Variants in AGBL1 observed in about 807,000 individuals in gnomAD.
AGBL1 encodes the protein AGBL carboxypeptidase 1, also known as cytosolic carboxypeptidase 4.
In AGBL1, 130 loss-of-function variants were observed where a neutral mutation model predicts 118.9. The ratio of observed to expected loss-of-function variants is 1.09; its 90% CI spans 0.95 to 1.26. The LOEUF (loss-of-function observed/expected upper bound fraction) is 1.26. AGBL1 is among the 50% of genes most tolerant of loss of function. The pLI is 0.00. For synonymous variants in AGBL1, 555 were observed against 478.9 expected (o/e 1.16, Z -2.08); for missense variants, 1,584 against 1,298.1 (o/e 1.22, Z -3.38).
intron 19 of AGBL1, among the ~76,000 whole-genome samples, chr15:86,545,666 A>G (rs1555424429): frequency 6.6e-6 from 1 of 151,892 alleles, no homozygotes; most frequent in Non-Finnish European, 1.5e-5. Context: ...CCTTGTTCCT[A>G]TTTTCTTTTC....
At chr15:86,859,988 T>A (rs1011272546) in intron 22 of AGBL1, among the ~76,000 whole-genome samples, 1 of 152,218 alleles carries the variant, frequency 6.6e-6, no homozygotes, top group Admixed American at 6.5e-5. Context: ...TGAAACTAGT[T>A]GAACATGTTC....
intron 23 of AGBL1, among the ~76,000 whole-genome samples, chr15:86,982,366 G>A (rs1378725029): frequency 1.3e-5 from 2 of 151,240 alleles, no homozygotes; most frequent in East Asian, 1.9e-4. Flanking sequence ...AATGTTGATG[G>A]ACATTTAGCT....
At chr15:86,543,216 C>CTATCTT (rs1396640910) in intron 19 of AGBL1, among the ~76,000 whole-genome samples, 2 of 148,510 alleles carry the variant, frequency 1.3e-5, no homozygotes, top group Middle Eastern at 3.2e-3. Context: ...TTTACAATAT[C>CTATCTT]TATCTTTAAT....
chr15:86,094,899 G>T (rs1469407132), intron 1 of AGBL1, among the ~76,000 whole-genome samples: 1 of 152,118 alleles, frequency 6.6e-6, no homozygotes, highest in African/African-American at 2.4e-5. Context: ...GATCTCACAA[G>T]TTAAGGGCTT....
intron 18 of AGBL1, among the ~76,000 whole-genome samples, chr15:86,515,889 G>C (rs1174851234): frequency 1.3e-5 from 2 of 152,216 alleles, no homozygotes; most frequent in Admixed American, 6.5e-5. Context: ...ACATGTGCCC[G>C]AGGTGGTTGG....
At chr15:86,693,837 T>A (rs2086212466) in intron 22 of AGBL1, among the ~76,000 whole-genome samples, 2 of 152,232 alleles carry the variant, frequency 1.3e-5, no homozygotes, top group Admixed American at 1.3e-4. Context: ...TCCAGCACCA[T>A]TTGTTGACTA....
intron 21 of AGBL1, among the ~76,000 whole-genome samples, chr15:86,576,593 G>T (rs1350763318): frequency 1.3e-5 from 2 of 152,190 alleles, no homozygotes; most frequent in African/African-American, 2.4e-5. Context: ...TATATACAAA[G>T]AGGTCTTTAG....
intron 21 of AGBL1, among the ~76,000 whole-genome samples, chr15:86,647,947 C>T (rs1390491900): frequency 2.6e-5 from 4 of 152,020 alleles, no homozygotes; most frequent in South Asian, 2.1e-4. Flanking sequence ...GAGTCAGAGC[C>T]AGGGTAGAAG....
intron 20 of AGBL1, among the ~76,000 whole-genome samples, chr15:86,547,819 A>G (rs757665592): frequency 1.6e-4 from 24 of 152,158 alleles, no homozygotes; most frequent in Admixed American, 5.2e-4. Flanking sequence ...ATAGTTTATT[A>G]CATCAAGTTT....
chr15:86,431,136 G>A (rs1240310063), intron 18 of AGBL1, among the ~76,000 whole-genome samples: 1 of 151,916 alleles, frequency 6.6e-6, no homozygotes, highest in Non-Finnish European at 1.5e-5. Flanking sequence ...CTAACCCTTC[G>A]TAAGATCCCA....
At chr15:86,309,598 G>A (rs2079890376) in intron 17 of AGBL1, among the ~76,000 whole-genome samples, 1 of 152,108 alleles carries the variant, frequency 6.6e-6, no homozygotes, top group Admixed American at 6.6e-5. Flanking sequence ...CTAATTTATT[G>A]AGAGTTGTTT....
chr15:86,918,379 C>T (rs139587425), downstream of AGBL1, among the ~76,000 whole-genome samples: 91 of 152,216 alleles, frequency 6.0e-4, no homozygotes, highest in African/African-American at 2.1e-3. Flanking sequence ...TGTAACACCT[C>T]GGAAAAGGAA....
chr15:86,928,659 G>A (rs72754064), intron 23 of AGBL1, among the ~76,000 whole-genome samples: 5,919 of 152,238 alleles, frequency 0.039, 157 homozygotes, highest in Middle Eastern at 0.071. Context: ...TTCTGTATGT[G>A]TATGAATTAT....
intron 23 of AGBL1, among the ~76,000 whole-genome samples, chr15:86,933,620 G>C (rs1333955854): frequency 1.3e-5 from 2 of 152,224 alleles, no homozygotes; most frequent in Non-Finnish European, 2.9e-5. Flanking sequence ...GGATTTGTCT[G>C]TGCAGCAGGC....
chr15:86,752,609 T>C (rs753141929), intron 22 of AGBL1, among the ~76,000 whole-genome samples: 2 of 152,022 alleles, frequency 1.3e-5, no homozygotes, highest in Non-Finnish European at 2.9e-5. Context: ...TCTACCCCAT[T>C]GCCAGGGGCC....
intron 22 of AGBL1, among the ~76,000 whole-genome samples, chr15:86,903,649 TCA>T (rs1198020153): frequency 6.6e-6 from 1 of 152,156 alleles, no homozygotes; most frequent in Non-Finnish European, 1.5e-5. Context: ...CTGACACCAT[TCA>T]CACAACAGAA....
At chr15:86,096,376 TTACTG>T (rs1889572438) in intron 1 of AGBL1, among the ~76,000 whole-genome samples, 1 of 152,166 alleles carries the variant, frequency 6.6e-6, no homozygotes. Context: ...AATAAACACT[TTACTG>T]AGAATAAACA....
chr15:86,959,680 A>ACTTTTTCTCTCCTTTCTTACTCTTTCCTT (rs1243414223), intron 23 of AGBL1, among the ~76,000 whole-genome samples: 2 of 151,972 alleles, frequency 1.3e-5, no homozygotes, highest in Non-Finnish European at 2.9e-5. Flanking sequence ...AGCTTCTGTC[A>ACTTTTTCTCTCCTTTCTTACTCTTTCCTT]CTTTTTCTCT....
intron 1 of AGBL1, among the ~76,000 whole-genome samples, chr15:86,100,511 T>C (rs989388677): frequency 6.6e-6 from 1 of 152,010 alleles, no homozygotes; most frequent in African/African-American, 2.4e-5. Flanking sequence ...AGACTTTTTT[T>C]TTATTATTAT....
Sources: gnomAD v4.1 joint callset for allele counts (sites outside exome capture counted in the v4.1 genomes callset) on GRCh38, gnomAD v4.1.1 for gene constraint, MANE v1.5 for transcripts, NCBI Gene and HGNC (gene_info 2026-07-23, HGNC 2026-07-21) for gene names.